Variants in SH3BGRL2 observed in about 807,000 individuals in gnomAD.
SH3BGRL2 encodes SH3 domain-binding glutamic acid-rich-like protein 2.
In SH3BGRL2, 21 loss-of-function variants were observed where a neutral mutation model predicts 14.8. The observed-to-expected ratio is 1.42, with a 90% CI of 1.01 to 2.05. The LOEUF is 2.05. Ranked by LOEUF, SH3BGRL2 falls within the 30% of genes most tolerant of loss-of-function variation. The pLI, the probability that SH3BGRL2 is intolerant of heterozygous loss-of-function variation, is 0.00. For synonymous variants in SH3BGRL2, 50 were observed against 47.8 expected (o/e 1.05, Z -0.19); for missense variants, 147 against 130.8 (o/e 1.12, Z -0.61).
intron 1 of SH3BGRL2, among the ~76,000 whole-genome samples, chr6:79,664,739 A>G (rs951388540): frequency 2.6e-5 from 4 of 152,238 alleles, no homozygotes; most frequent in African/African-American, 9.6e-5. Flanking sequence ...CATGATGTCA[A>G]TTAGCTATTC....
At chr6:79,684,737 GT>G (rs1770058923) in intron 2 of SH3BGRL2, among the ~76,000 whole-genome samples, 1 of 152,146 alleles carries the variant, frequency 6.6e-6, no homozygotes. Flanking sequence ...AATGAAATCT[GT>G]TTAGAAAACT....
the SH3BGRL2 span, among the ~76,000 whole-genome samples, chr6:79,546,574 C>G: frequency 6.6e-6 from 1 of 152,068 alleles, no homozygotes; most frequent in Non-Finnish European, 1.5e-5. Flanking sequence ...TTTTCGTTCT[C>G]CCAAGGAGAG....
the SH3BGRL2 span, among the ~76,000 whole-genome samples, chr6:79,603,770 G>C: frequency 6.6e-6 from 1 of 152,036 alleles, no homozygotes; most frequent in South Asian, 2.1e-4. Context: ...GCAGGTGCTG[G>C]GTTTTGCCAG....
chr6:79,695,815 G>A (rs1460868810), intron 2 of SH3BGRL2, among the ~76,000 whole-genome samples: 1 of 152,134 alleles, frequency 6.6e-6, no homozygotes, highest in African/African-American at 2.4e-5. Flanking sequence ...CTTTACATAT[G>A]ATAAATGCAA....
chr6:79,616,265 G>A, the SH3BGRL2 span, among the ~76,000 whole-genome samples: 1 of 152,178 alleles, frequency 6.6e-6, no homozygotes, highest in Admixed American at 6.6e-5. Context: ...ACACCAAATG[G>A]CAGGGCAAGA....
chr6:79,561,673 C>G, the SH3BGRL2 span: 1 of 152,298 alleles, frequency 6.6e-6, no homozygotes, highest in South Asian at 2.1e-4. Flanking sequence ...CCGCCACTGC[C>G]TCTCCACTCG....
chr6:79,571,201 A>G, the SH3BGRL2 span, among the ~76,000 whole-genome samples: 1 of 152,216 alleles, frequency 6.6e-6, no homozygotes, highest in African/African-American at 2.4e-5. Flanking sequence ...GGCAGTGTGT[A>G]TGGTAGAGAA....
At chr6:79,591,379 T>C in the SH3BGRL2 span, among the ~76,000 whole-genome samples, 1 of 152,200 alleles carries the variant, frequency 6.6e-6, no homozygotes, top group Admixed American at 6.5e-5. Flanking sequence ...CTACCTTCTC[T>C]TCTTTTTATT....
At chr6:79,684,037 A>G (rs1370786664) in intron 2 of SH3BGRL2, among the ~76,000 whole-genome samples, 1 of 152,210 alleles carries the variant, frequency 6.6e-6, no homozygotes, top group African/African-American at 2.4e-5. Context: ...CAAAAAAAGC[A>G]AAAGTCCAAA....
the SH3BGRL2 span, among the ~76,000 whole-genome samples, chr6:79,569,418 G>A: frequency 6.6e-6 from 1 of 152,200 alleles, no homozygotes; most frequent in Non-Finnish European, 1.5e-5. Context: ...AAAAGACCTG[G>A]TAAGGGAAAG....
At chr6:79,573,090 A>C in the SH3BGRL2 span, among the ~76,000 whole-genome samples, 1 of 152,202 alleles carries the variant, frequency 6.6e-6, no homozygotes, top group East Asian at 1.9e-4. Flanking sequence ...GAAAGCACAA[A>C]AATATTCTTC....
the SH3BGRL2 span, among the ~76,000 whole-genome samples, chr6:79,563,874 T>G: frequency 1.3e-5 from 2 of 152,168 alleles, no homozygotes; most frequent in African/African-American, 4.8e-5. Flanking sequence ...AAAATTTGTG[T>G]CTGTAAATGG....
the SH3BGRL2 span, among the ~76,000 whole-genome samples, chr6:79,579,264 G>T: frequency 6.6e-6 from 1 of 152,150 alleles, no homozygotes; most frequent in Non-Finnish European, 1.5e-5. Context: ...ACCTGGCAAG[G>T]CAGGCCAACA....
the SH3BGRL2 span, among the ~76,000 whole-genome samples, chr6:79,590,824 A>G: frequency 4.6e-5 from 7 of 152,246 alleles, no homozygotes; most frequent in East Asian, 1.4e-3. Flanking sequence ...CCTGAATCCA[A>G]AATAAATAAA....
At chr6:79,584,171 T>C in the SH3BGRL2 span, among the ~76,000 whole-genome samples, 1 of 152,186 alleles carries the variant, frequency 6.6e-6, no homozygotes, top group Non-Finnish European at 1.5e-5. Flanking sequence ...TTTCTACTTT[T>C]TGCCAGCATT....
intron 2 of SH3BGRL2, among the ~76,000 whole-genome samples, chr6:79,689,624 A>C (rs1262456279): frequency 6.6e-6 from 1 of 151,952 alleles, no homozygotes; most frequent in Non-Finnish European, 1.5e-5. Context: ...TACAATCTCA[A>C]AATTTTGAGG....
chr6:79,633,696 A>C (rs1768869094), intron 1 of SH3BGRL2, among the ~76,000 whole-genome samples: 2 of 152,156 alleles, frequency 1.3e-5, no homozygotes, highest in Non-Finnish European at 2.9e-5. Flanking sequence ...CAGTCTCCTC[A>C]ATTATATCTT....
chr6:79,701,199 A>G lies in SH3BGRL2; in HGVS notation c.*1690A>G, dbSNP rs1415265471. On this transcript the variant is annotated 3_prime_UTR_variant, in exon 4 of 4. Transcript: ENST00000369838. ...TTATGGATATTACTGGTTAGTTGTCATTAAGTAAGATCCAGGTCAAATTCC... is the reference window on the plus strand; with the variant it reads ...TTATGGATATTACTGGTTAGTTGTCGTTAAGTAAGATCCAGGTCAAATTCC... 6.6e-6 allele frequency: 1 copy of G among 152,206 alleles called. No homozygotes were observed. The highest frequency in any genetic ancestry group is 1.5e-5 in the Non-Finnish European group (1 of 68,034). 9.4% of individuals were successfully genotyped at this position (152,206 alleles called of 1,614,324 possible).
rs117770529 is a variant in SH3BGRL2 at position 79,632,177 on chromosome 6, C to T, written c.45+671C>T. Among the ~76,000 whole-genome samples, 566 of 151,784 alleles carry T rather than the reference C, an allele frequency of 3.7e-3. 2 individuals carry two copies. Among genetic ancestry groups the T allele is most frequent in the Middle Eastern group, 6.8e-3 (2 of 294 alleles). On this transcript the variant is annotated intron_variant, in intron 1 of 3. Transcript: ENST00000369838. ...ACCTGTAATGCTGTGGAAATTTTAT[C>T]CTGGGGATCTATGAATTGTGGTTTT...
Sources: gnomAD v4.1 joint callset for allele counts (sites outside exome capture counted in the v4.1 genomes callset) on GRCh38, gnomAD v4.1.1 for gene constraint, MANE v1.5 for transcripts, NCBI Gene and HGNC (gene_info 2026-07-23, HGNC 2026-07-21) for gene names.